The following PRKAR1A variants were observed in gnomAD, a reference collection of about 807,000 sequenced individuals.
PRKAR1A encodes the protein cAMP-dependent protein kinase type I-alpha regulatory subunit.
In PRKAR1A, 3 loss-of-function variants were observed where a neutral mutation model predicts 52.0. The observed-to-expected ratio is 0.06, with a 90% CI of 0.03 to 0.15. The LOEUF is 0.15. Ranked by LOEUF, PRKAR1A falls within the 10% of genes least tolerant of loss-of-function variation. The pLI is 1.00. For synonymous variants in PRKAR1A, 188 were observed against 168.4 expected (o/e 1.12, Z -0.90); for missense variants, 240 against 477.4 (o/e 0.50, Z 4.63).
chr17:68,516,466 A>G (rs72847787), intron 2 of PRKAR1A, among the ~76,000 whole-genome samples: 22,357 of 152,018 alleles, frequency 0.15, 1,700 homozygotes, highest in South Asian at 0.2. Context: ...AATTGAAATG[A>G]ATCATATACC....
At chr17:68,454,728 G>T in the PRKAR1A span, among the ~76,000 whole-genome samples, 1 of 152,216 alleles carries the variant, frequency 6.6e-6, no homozygotes, top group African/African-American at 2.4e-5. Context: ...ATATAGATGT[G>T]TTTGGCTGCG....
Position 68,532,743 on chromosome 17 carries a change from AAG to A in PRKAR1A, c.*2298_*2299del. On this transcript the variant is annotated 3_prime_UTR_variant, in exon 11 of 11. Transcript: ENST00000589228. Reference sequence around the variant, plus strand: ...TCTTAATGGTAGGTCAAGTAATAAAAAGAGATGAAATAATTTAAATTCTTAAA... The same window carrying A: ...TCTTAATGGTAGGTCAAGTAATAAAAAGATGAAATAATTTAAATTCTTAAA... 1.3e-5 allele frequency: 14 copies of A among 1,066,238 alleles called. No individual in the cohort carries two copies. The highest frequency in any genetic ancestry group is 1.6e-5 in the Non-Finnish European group (14 of 879,530). 66.0% of individuals were successfully genotyped at this position (1,066,238 alleles called of 1,614,324 possible). A position where few individuals can be genotyped will look rare whatever the true frequency, so the allele number is the denominator to read the frequency against.
chr17:68,527,537 C>G (rs1015689465), intron 7 of PRKAR1A: 6 of 363,100 alleles, frequency 1.7e-5, no homozygotes, highest in Non-Finnish European at 3.1e-5. Flanking sequence ...CAGGTATAAA[C>G]CGGTATTTCG....
the PRKAR1A span, among the ~76,000 whole-genome samples, chr17:68,454,042 C>G: frequency 2.0e-5 from 3 of 152,318 alleles, no homozygotes; most frequent in African/African-American, 7.2e-5. Context: ...AAACATTTAT[C>G]TAGGACAATC....
At chr17:68,525,292 T>TA (rs397857487) in intron 6 of PRKAR1A, among the ~76,000 whole-genome samples, 3,591 of 121,980 alleles carry the variant, frequency 0.029, 57 homozygotes, top group African/African-American at 0.049. Context: ...CCTCATCTCT[T>TA]AAAAAAAAAA....
intron 11 of PRKAR1A, chr17:68,541,010 C>CG: frequency 6.5e-7 from 1 of 1,549,668 alleles, no homozygotes; most frequent in Non-Finnish European, 8.7e-7. Flanking sequence ...GGCAGGGTGT[C>CG]GGGGGTCTCC....
At chr17:68,541,933 G>T in intron 11 of PRKAR1A, 1 of 1,574,442 alleles carries the variant, frequency 6.4e-7, no homozygotes, top group East Asian at 2.3e-5. Flanking sequence ...CCTGGTACAG[G>T]GTCTGTGGCT....
intron 1 of PRKAR1A, chr17:68,513,257 T>C (rs1304505702): frequency 6.6e-6 from 1 of 152,220 alleles, no homozygotes; most frequent in Non-Finnish European, 1.5e-5. Context: ...CTGCCCTTCT[T>C]CTAGAAAATA....
At position 68,532,804 on chromosome 17, in the gene PRKAR1A, C is replaced by G. The variant is rs2086013539; in HGVS notation, c.*2355C>G. 9.4e-7 allele frequency: 1 copy of G among 1,066,342 alleles called. No individual in the cohort carries two copies. The highest frequency in any genetic ancestry group is 1.1e-6 in the Non-Finnish European group (1 of 879,798). The allele number at this position is 1,066,342 out of a possible 1,614,324, so 66.1% of individuals were successfully genotyped here. A position where few individuals can be genotyped will look rare whatever the true frequency, so the allele number is the denominator to read the frequency against. On this transcript the variant is annotated 3_prime_UTR_variant, in exon 11 of 11. Transcript: ENST00000589228. The stretch of plus-strand genomic sequence containing the variant: ...TTTTTCTTCCCTTTCTCCTTTCCGT[C>G]TTTCCTCTCTCTGTCCTTCCCCGAA...
chr17:68,531,101 TCTC>T lies in PRKAR1A; in HGVS notation c.*654_*656del. ...TTTATATCTTGTTATTAATGTTTCT[TCTC>T]CAATTCTGAAATACTTTTGAGTATG... On this transcript the variant is annotated 3_prime_UTR_variant, in exon 11 of 11. Coordinates refer to ENST00000589228, the MANE Select transcript of PRKAR1A (RefSeq NM_002734.5). The T allele has an allele frequency of 9.4e-7, 1 of 1,067,730 alleles. No individual in the cohort carries two copies. Among genetic ancestry groups the T allele is most frequent in the Non-Finnish European group, 1.1e-6 (1 of 880,616 alleles). 66.1% of individuals were successfully genotyped at this position (1,067,730 alleles called of 1,614,324 possible).
chr17:68,483,529 G>T, the PRKAR1A span, among the ~76,000 whole-genome samples: 1 of 151,978 alleles, frequency 6.6e-6, no homozygotes, highest in Admixed American at 6.6e-5. Flanking sequence ...TTGAGGAGGT[G>T]GTCCTTTTTC....
chr17:68,453,244 C>G, the PRKAR1A span, among the ~76,000 whole-genome samples: 1 of 152,058 alleles, frequency 6.6e-6, no homozygotes, highest in Non-Finnish European at 1.5e-5. Context: ...ACTGCATGAG[C>G]TCTGTCATCC....
chr17:68,523,659 G>T (rs910590594), intron 3 of PRKAR1A, 66 bp from the exon 4 acceptor site: 1 of 1,229,042 alleles, frequency 8.1e-7, no homozygotes, highest in Non-Finnish European at 1.2e-6. Flanking sequence ...TAATTGAAGC[G>T]CAGGTTGCAA....
In PRKAR1A at chr17:68,522,815, G is replaced by A. The variant is rs1197286957; in HGVS notation, c.237G>A (p.Glu79=). 25 of 1,613,982 alleles carry A rather than the reference G, an allele frequency of 1.5e-5. 1 individual carries two copies. The Admixed American group carries it at 3.8e-4, about 25-fold the overall frequency. Reference sequence around the variant, plus strand: ...CAGGCACTCGTACAGACTCAAGGGAGGATGAGATTTCTCCTCCTCCACCCA... The same window carrying A: ...CAGGCACTCGTACAGACTCAAGGGAAGATGAGATTTCTCCTCCTCCACCCA... ...QKAGTRTDSR[E]DEISPPPPNP... The change falls in exon 3 of 11, where the codon GAG becomes GAA. Residue 79 remains glutamate (E), a synonymous_variant. Coordinates refer to ENST00000589228, the MANE Select transcript of PRKAR1A (RefSeq NM_002734.5).
chr17:68,503,216 T>G, the PRKAR1A span, among the ~76,000 whole-genome samples: 1 of 152,222 alleles, frequency 6.6e-6, no homozygotes, highest in African/African-American at 2.4e-5. Context: ...TGACAAATGC[T>G]GGCAAGGATG....
the PRKAR1A span, among the ~76,000 whole-genome samples, chr17:68,465,625 A>ATTTT: frequency 1.4e-3 from 91 of 67,170 alleles, 8 homozygotes; most frequent in African/African-American, 1.9e-3. Context: ...ACGCCCAGCA[A>ATTTT]TTTTTTTTTT....
the PRKAR1A span, among the ~76,000 whole-genome samples, chr17:68,473,076 A>G: frequency 1.3e-5 from 2 of 152,208 alleles, no homozygotes; most frequent in Non-Finnish European, 2.9e-5. Flanking sequence ...TTTAATTGAT[A>G]TAATTGAAAG....
the PRKAR1A span, chr17:68,427,130 C>T: frequency 1.6e-5 from 26 of 1,612,378 alleles, no homozygotes; most frequent in Non-Finnish European, 2.2e-5. Flanking sequence ...CCCGTGTCCA[C>T]CCACCTGGCA....
the PRKAR1A span, chr17:68,434,507 G>C: frequency 1.8e-5 from 29 of 1,602,440 alleles, no homozygotes; most frequent in Non-Finnish European, 2.5e-5. Flanking sequence ...AGCGGTCCCT[G>C]CGGGACTTCT....
Sources: allele counts gnomAD v4.1 joint callset (sites outside exome capture counted in the v4.1 genomes callset), GRCh38; gene constraint gnomAD v4.1.1; transcripts MANE v1.5; gene names NCBI Gene and HGNC (gene_info 2026-07-23, HGNC 2026-07-21).